The following ADARB2 variants were observed in gnomAD, a reference collection of about 807,000 sequenced individuals.
The protein encoded by ADARB2 is adenosine deaminase RNA specific B2 (inactive).
ADARB2 carries 25 observed loss-of-function variants against 62.2 expected under a neutral mutation model. The ratio of observed to expected loss-of-function variants is 0.40; its 90% confidence interval spans 0.29 to 0.56. The LOEUF is 0.56. Among genes scored for constraint, ADARB2 ranks in the 20% least tolerant of loss-of-function variants. ADARB2 has a pLI of 0.43. For synonymous variants in ADARB2, 572 were observed against 500.8 expected (o/e 1.14, Z -1.90); for missense variants, 1,071 against 1,077.4 (o/e 0.99, Z 0.08).
chr10:1,232,194 A>G, intron 6 of ADARB2, among the ~76,000 whole-genome samples: 1 of 152,006 alleles, frequency 6.6e-6, no homozygotes. Flanking sequence ...CACCGCACAC[A>G]TAGCACACAC....
At chr10:1,364,148 C>T (rs1466291555) in intron 2 of ADARB2, among the ~76,000 whole-genome samples, 1 of 152,248 alleles carries the variant, frequency 6.6e-6, no homozygotes, top group African/African-American at 2.4e-5. Context: ...TAGGAGCTGT[C>T]GTCTTCTGGG....
At chr10:1,359,756 C>T (rs1230810677) in intron 3 of ADARB2, among the ~76,000 whole-genome samples, 2 of 152,200 alleles carry the variant, frequency 1.3e-5, no homozygotes, top group African/African-American at 4.8e-5. Context: ...CTGTGAGCAG[C>T]ACCATGACAA....
intron 1 of ADARB2, among the ~76,000 whole-genome samples, chr10:1,418,729 G>T (rs371672776): frequency 2.6e-5 from 4 of 151,984 alleles, no homozygotes; most frequent in Non-Finnish European, 5.9e-5. Context: ...GTTTTGGGCC[G>T]AGCAACACTG....
chr10:1,722,252 A>G (rs148928234), intron 1 of ADARB2, among the ~76,000 whole-genome samples: 6 of 152,344 alleles, frequency 3.9e-5, no homozygotes, highest in Middle Eastern at 3.4e-3. Context: ...GAGTGAGTTC[A>G]AATGTCCTGG....
At chr10:1,331,009 A>G (rs1831923609) in intron 3 of ADARB2, among the ~76,000 whole-genome samples, 1 of 152,238 alleles carries the variant, frequency 6.6e-6, no homozygotes, top group Admixed American at 6.5e-5. Context: ...GAAATGGCAA[A>G]TGGTACATTA....
rs541582036 is a variant in ADARB2, at chr10:1,655,258, G to A, written c.100+81793C>T. Among the ~76,000 whole-genome samples the A allele has an allele frequency of 1.7e-4, 26 of 152,318 alleles. 1 individual carries two copies. The South Asian group carries it at 5.2e-3, about 30-fold the overall frequency. On this transcript the variant is annotated intron_variant, in intron 1 of 9. Transcript: ENST00000381312. ...AAGGCACTAGAACAGAGGGGGTGTT[G>A]ATAATTAAGCCAAGCTCCATGCTGT...
At chr10:1,698,061 A>G (rs1226036123) in intron 1 of ADARB2, among the ~76,000 whole-genome samples, 1 of 152,218 alleles carries the variant, frequency 6.6e-6, no homozygotes, top group Non-Finnish European at 1.5e-5. Flanking sequence ...CAATGGTTAC[A>G]TATTAATAAA....
At chr10:1,258,399 G>A (rs927641514) in intron 4 of ADARB2, among the ~76,000 whole-genome samples, 12 of 152,112 alleles carry the variant, frequency 7.9e-5, no homozygotes, top group African/African-American at 2.9e-4. Context: ...TCAGTGTGCT[G>A]TATTCAGGAA....
chr10:1,564,028 C>T (rs1200037815), intron 1 of ADARB2, among the ~76,000 whole-genome samples: 2 of 151,028 alleles, frequency 1.3e-5, no homozygotes, highest in African/African-American at 4.9e-5. Context: ...TCCAGTCTAT[C>T]ATTGTTGGAC....
chr10:1,459,496 C>T, intron 1 of ADARB2, among the ~76,000 whole-genome samples: 1 of 146,284 alleles, frequency 6.8e-6, no homozygotes. Flanking sequence ...GGCGCAGTGG[C>T]TTGTGCCTGT....
chr10:1,412,389 T>A (rs1378761792), intron 1 of ADARB2, among the ~76,000 whole-genome samples: 4 of 152,120 alleles, frequency 2.6e-5, no homozygotes, highest in Admixed American at 6.5e-5. Flanking sequence ...ACAAATAATT[T>A]AAAAAATTTA....
intron 3 of ADARB2, among the ~76,000 whole-genome samples, chr10:1,336,413 T>G (rs942716282): frequency 8.5e-5 from 13 of 152,182 alleles, no homozygotes; most frequent in Non-Finnish European, 2.9e-5. Flanking sequence ...CATTTAAGGG[T>G]ATTCTCACAC....
chr10:1,732,328 A>AAAC (rs1554739400), intron 1 of ADARB2, among the ~76,000 whole-genome samples: 64,501 of 146,478 alleles, frequency 0.44, 14,639 homozygotes, highest in Non-Finnish European at 0.49. Context: ...AAAAAAAAAA[A>AAAC]AATTTCCTTT....
chr10:1,323,250 TAA>T lies in ADARB2; in HGVS notation c.1077+39776_1077+39777del, dbSNP rs201803705. 1.0e-2 allele frequency among the ~76,000 whole-genome samples: 1,302 copies of T among 130,456 alleles called. 21 individuals are homozygous for T. Among genetic ancestry groups the T allele is most frequent in the African/African-American group, 0.032 (1,227 of 38,122 alleles). The allele number at this position is 130,456 out of a possible 152,430, so 85.6% of individuals were successfully genotyped here. On this transcript the variant is annotated intron_variant, in intron 3 of 9. Transcript: ENST00000381312. ...GATTCTATGGGATACTTTGAAATTGTAAAAAAAAAAAAAAAAAACACTGTTAG... is the reference window on the plus strand; with the variant it reads ...GATTCTATGGGATACTTTGAAATTGTAAAAAAAAAAAAAAAACACTGTTAG...
At chr10:1,486,079 A>G (rs1831539755) in intron 1 of ADARB2, among the ~76,000 whole-genome samples, 1 of 152,154 alleles carries the variant, frequency 6.6e-6, no homozygotes, top group African/African-American at 2.4e-5. Flanking sequence ...CAGTTCCTAG[A>G]GGTGCCACAT....
At chr10:1,262,287 T>TATTATAATAATAATA (rs1554771086) in intron 4 of ADARB2, among the ~76,000 whole-genome samples, 1 of 135,780 alleles carries the variant, frequency 7.4e-6, no homozygotes, top group Non-Finnish European at 1.5e-5. Flanking sequence ...AAACTTAAAG[T>TATTATAATAATAATA]ATAATAATAA....
At chr10:1,279,099 T>C (rs1452612080) in intron 3 of ADARB2, among the ~76,000 whole-genome samples, 2 of 152,240 alleles carry the variant, frequency 1.3e-5, no homozygotes, top group African/African-American at 4.8e-5. Context: ...CGTAAAAGAA[T>C]ACCATAGACT....
chr10:1,304,440 C>T (rs1466803365), intron 3 of ADARB2, among the ~76,000 whole-genome samples: 1 of 151,906 alleles, frequency 6.6e-6, no homozygotes, highest in African/African-American at 2.4e-5. Context: ...ACTTTAACAC[C>T]CCACTGTCAA....
At chr10:1,621,585 T>C (rs913240300) in intron 1 of ADARB2, among the ~76,000 whole-genome samples, 5 of 152,186 alleles carry the variant, frequency 3.3e-5, no homozygotes, top group African/African-American at 1.2e-4. Context: ...CCAGCTAGTT[T>C]TTGTATTACT....
Sources: gnomAD v4.1 joint callset for allele counts (sites outside exome capture counted in the v4.1 genomes callset) on GRCh38, gnomAD v4.1.1 for gene constraint, MANE v1.5 for transcripts, NCBI Gene and HGNC (gene_info 2026-07-23, HGNC 2026-07-21) for gene names.